The following NAE1 variants were observed in gnomAD, a reference collection of about 807,000 sequenced individuals.
NAE1 encodes NEDD8-activating enzyme E1 regulatory subunit.
A neutral mutation model predicts 88.0 loss-of-function variants in NAE1; 59 were observed. The ratio of observed to expected loss-of-function variants is 0.67; its 90% CI spans 0.54 to 0.83. NAE1 has a LOEUF of 0.83. Among genes scored for constraint, NAE1 ranks in the 40% least tolerant of loss-of-function variants. NAE1 has a pLI of 0.00. For missense variants in NAE1, 554 were observed against 632.8 expected (o/e 0.88, Z 1.34); for synonymous variants, 186 against 208.9 (o/e 0.89, Z 0.95).
In NAE1 at chr16:66,817,538, C is replaced by G. The variant is rs373866784; in HGVS notation, c.622-51G>C. The G allele has an allele frequency of 3.2e-6, 4 of 1,236,160 alleles. No homozygotes were observed. The African/African-American group carries it at 4.6e-5, about 14-fold the overall frequency. The allele number at this position is 1,236,160 out of a possible 1,614,324, so 76.6% of individuals were successfully genotyped here. A position where few individuals can be genotyped will look rare whatever the true frequency, so the allele number is the denominator to read the frequency against. ...AAATATCAGTATTATGAATTCTTCA[C>G]TGTACCATCTCGTTTTCAACAAATT... On this transcript the variant is annotated intron_variant, in intron 8 of 19. Transcript: ENST00000290810.
intron 18 of NAE1, 27 bp from the exon 19 acceptor site, chr16:66,805,853 T>C: frequency 6.4e-7 from 1 of 1,572,180 alleles, no homozygotes; most frequent in Non-Finnish European, 8.6e-7. Flanking sequence ...AGACATGAAT[T>C]TTGATTAGCC....
At chr16:66,815,686 A>T (rs1247341910) in intron 11 of NAE1, among the ~76,000 whole-genome samples, 1 of 141,424 alleles carries the variant, frequency 7.1e-6, no homozygotes, top group Non-Finnish European at 1.5e-5. Context: ...TTTGAGACAG[A>T]GTCTCGCTCT....
At chr16:66,814,828 T>C (rs572208573) in intron 11 of NAE1, among the ~76,000 whole-genome samples, 17 of 152,330 alleles carry the variant, frequency 1.1e-4, no homozygotes, top group African/African-American at 4.1e-4. Context: ...GCCTTTATGA[T>C]CTGGCCCTTT....
chr16:66,813,773 T>G lies in NAE1; in HGVS notation c.900+14A>C. ...AAGTTTTAGCAGCAATGTTTTTACT[T>G]TTGTTGTTGTTACCTGTTTGGTGAT... On this transcript the variant is annotated intron_variant, in intron 12 of 19. Coordinates refer to ENST00000290810, the MANE Select transcript of NAE1 (RefSeq NM_003905.4). 1.9e-6 allele frequency: 3 copies of G among 1,613,424 alleles called. No homozygotes were observed. The highest frequency in any genetic ancestry group is 2.5e-6 in the Non-Finnish European group (3 of 1,179,634).
intron 17 of NAE1, 134 bp from the exon 18 acceptor site, chr16:66,806,160 G>A (rs957461830): frequency 9.2e-7 from 1 of 1,081,808 alleles, no homozygotes; most frequent in East Asian, 2.7e-5. Context: ...CAAAGTATGA[G>A]ACCAATATTT....
intron 1 of NAE1, chr16:66,828,177 G>A: frequency 4.4e-6 from 4 of 906,756 alleles, no homozygotes; most frequent in Non-Finnish European, 6.8e-6. Flanking sequence ...TTAGATAGTT[G>A]GAGAGTAAAT....
chr16:66,804,064 G>T (rs1251714543), intron 19 of NAE1, among the ~76,000 whole-genome samples: 1 of 152,098 alleles, frequency 6.6e-6, no homozygotes, highest in African/African-American at 2.4e-5. Context: ...CTGACCATAG[G>T]TGCTAAGGAG....
At chr16:66,819,558 A>C (rs1045055482) in intron 7 of NAE1, among the ~76,000 whole-genome samples, 4 of 152,250 alleles carry the variant, frequency 2.6e-5, no homozygotes, top group Non-Finnish European at 2.9e-5. Context: ...TATCTCTCTT[A>C]TCCAAAATGC....
rs1960348547 is a variant in NAE1 at position 66,823,524 on chromosome 16, T to G, written c.321+5A>C. ...ACAGACATAATAATGTGTGTACATA[T>G]ATACCTCTTCCACAAAACTTCCAGA... On this transcript the variant is annotated splice_donor_5th_base_variant and intron_variant, in intron 5 of 19. Coordinates refer to ENST00000290810, the MANE Select transcript of NAE1 (RefSeq NM_003905.4). 6.2e-7 allele frequency: 1 copy of G among 1,607,892 alleles called. No homozygotes were observed. Among genetic ancestry groups the G allele is most frequent in the South Asian group, 1.1e-5 (1 of 90,106 alleles).
At chr16:66,828,168 T>TA in intron 1 of NAE1, 1 of 967,530 alleles carries the variant, frequency 1.0e-6, no homozygotes, top group Non-Finnish European at 1.6e-6. Context: ...GATGGATGCT[T>TA]AGATAGTTGG....
At position 66,828,406 on chromosome 16, in the gene NAE1, G is replaced by C. The variant is rs543943057; in HGVS notation, c.54-1626C>G. On this transcript the variant is annotated intron_variant, in intron 1 of 19. Coordinates refer to ENST00000290810, the MANE Select transcript of NAE1 (RefSeq NM_003905.4). ...CTAGGGAGGCTGAGGCATGAGAATC[G>C]CATGAACGCAGGAGGCGGAGATTGC... Among the ~76,000 whole-genome samples, 174 of 150,616 alleles carry C rather than the reference G, an allele frequency of 1.2e-3. 1 individual carries two copies. Among genetic ancestry groups the C allele is most frequent in the Non-Finnish European group, 1.9e-3 (131 of 67,780 alleles).
intron 8 of NAE1, 103 bp downstream of exon 8, chr16:66,818,425 T>C: frequency 1.3e-6 from 1 of 781,152 alleles, no homozygotes; most frequent in African/African-American, 1.8e-5. Context: ...GACAGGAATA[T>C]GGAAGTTTAT....
chr16:66,804,220 C>T (rs1294982551), intron 19 of NAE1, among the ~76,000 whole-genome samples: 1 of 144,428 alleles, frequency 6.9e-6, no homozygotes, highest in African/African-American at 2.6e-5. Flanking sequence ...AAAATGATTA[C>T]AGAATGCACA....
intron 19 of NAE1, 58 bp downstream of exon 19, chr16:66,805,719 T>C: frequency 7.7e-7 from 1 of 1,299,766 alleles, no homozygotes; most frequent in Non-Finnish European, 1.0e-6. Context: ...AAACTTTGTA[T>C]TAAAATAGTA....
intron 19 of NAE1, among the ~76,000 whole-genome samples, chr16:66,804,102 C>T (rs1169140689): frequency 6.6e-6 from 1 of 151,936 alleles, no homozygotes; most frequent in African/African-American, 2.4e-5. Flanking sequence ...GATATAAATA[C>T]AAGAGAAGGG....
At chr16:66,828,221 T>C in intron 1 of NAE1, 1 of 614,448 alleles carries the variant, frequency 1.6e-6, no homozygotes, top group Non-Finnish European at 2.8e-6. Flanking sequence ...CTGGGCGCAG[T>C]GGCTCACGCC....
At chr16:66,814,087 T>C (rs958566147) in intron 11 of NAE1, among the ~76,000 whole-genome samples, 2 of 152,114 alleles carry the variant, frequency 1.3e-5, no homozygotes, top group South Asian at 2.1e-4. Context: ...TCTTATACCA[T>C]AAATGGGGTA....
rs759730643 is a variant in NAE1, at chr16:66,817,045, T to A, written c.685-17A>T. ...TCCATTTGTCTAAATTGGTTAAAAA[T>A]TTTAAAAATCTAGTTATTAAAATTC... On this transcript the variant is annotated splice_polypyrimidine_tract_variant and intron_variant, in intron 9 of 19. Transcript: ENST00000290810. 125 of 1,580,780 alleles carry A rather than the reference T, an allele frequency of 7.9e-5. No individual in the cohort carries two copies. The highest frequency in any genetic ancestry group is 9.8e-5 in the Non-Finnish European group (115 of 1,171,170).
At chr16:66,814,522 G>C (rs367884257) in intron 11 of NAE1, among the ~76,000 whole-genome samples, 85 of 150,952 alleles carry the variant, frequency 5.6e-4, no homozygotes, top group African/African-American at 1.9e-3. Flanking sequence ...GAGCCCAGGA[G>C]GTCAAGGCTG....
Sources: allele counts gnomAD v4.1 joint callset (sites outside exome capture counted in the v4.1 genomes callset), GRCh38; gene constraint gnomAD v4.1.1; transcripts MANE v1.5; gene names NCBI Gene and HGNC (gene_info 2026-07-23, HGNC 2026-07-21).